The following NSF variants were observed in gnomAD, a reference collection of about 807,000 sequenced individuals.
NSF encodes the protein vesicle-fusing ATPase.
In NSF, 14 loss-of-function variants were observed where a neutral mutation model predicts 50.3. The ratio of observed to expected loss-of-function variants is 0.28; its 90% CI spans 0.18 to 0.44. The LOEUF (loss-of-function observed/expected upper bound fraction) is 0.44, where lower values mean the gene tolerates loss of function less well. Among genes scored for constraint, NSF ranks in the 20% least tolerant of loss-of-function variants. The pLI is 1.00. For missense variants in NSF, 218 were observed against 504.3 expected, an observed-to-expected ratio of 0.43 and a Z score of 5.44; for synonymous variants, 109 against 175.7, an observed-to-expected ratio of 0.62 and a Z score of 3.00.
chr17:46,721,919 A>C, intron 15 of NSF: 2 of 1,595,060 alleles, frequency 1.3e-6, no homozygotes, highest in South Asian at 2.2e-5. Flanking sequence ...CTTTTTCTCC[A>C]ATTCGCGTAC....
intron 17 of NSF, among the ~76,000 whole-genome samples, chr17:46,729,883 A>G (rs1315749583): frequency 6.6e-6 from 1 of 152,090 alleles, no homozygotes; most frequent in African/African-American, 2.4e-5. Flanking sequence ...TAAAATAATG[A>G]AAAGAAACAT....
chr17:46,703,783 G>A, intron 12 of NSF, among the ~76,000 whole-genome samples: 1 of 138,358 alleles, frequency 7.2e-6, no homozygotes, highest in African/African-American at 2.7e-5. Flanking sequence ...CATTCTTAAT[G>A]TTGTGCAACC....
At chr17:46,751,762 G>A (rs1038205376) in intron 19 of NSF, 146 bp downstream of exon 19, 1 of 528,684 alleles carries the variant, frequency 1.9e-6, no homozygotes, top group Non-Finnish European at 3.4e-6. Context: ...GGTATTAGTA[G>A]CCTGCTTCTG....
rs756640438 is a variant in NSF at position 46,726,601 on chromosome 17, T to C, written c.1814T>C (p.Ile605Thr). The change falls in exon 16 of 21, where the codon ATT becomes ACT. Residue 605 changes from isoleucine (I) to threonine (T), a missense_variant. Coordinates refer to ENST00000398238, the MANE Select transcript of NSF (RefSeq NM_006178.4). Reference protein sequence around the residue: ...SQLSCVVVDDIERLLDYVPIG... With the variant: ...SQLSCVVVDDTERLLDYVPIG... ...CTCAGTTGTGTGGTTGTGGATGACATTGAGAGATTGCTTGGTGAGTCCTAA... is the reference window on the plus strand; with the variant it reads ...CTCAGTTGTGTGGTTGTGGATGACACTGAGAGATTGCTTGGTGAGTCCTAA... 1.9e-6 allele frequency: 3 copies of C among 1,613,968 alleles called. No homozygotes were observed. The highest frequency in any genetic ancestry group is 2.5e-6 in the Non-Finnish European group (3 of 1,179,856).
At chr17:46,648,349 AT>A (rs1456260113) in intron 8 of NSF, among the ~76,000 whole-genome samples, 1 of 125,630 alleles carries the variant, frequency 8.0e-6, no homozygotes, top group Non-Finnish European at 1.5e-5. Context: ...ATAAATTGTA[AT>A]TTTTTTAACC....
At chr17:46,736,706 C>T (rs2059009025) in intron 17 of NSF, among the ~76,000 whole-genome samples, 1 of 152,204 alleles carries the variant, frequency 6.6e-6, no homozygotes. Context: ...TACTAATTTG[C>T]TGCTAACCAC....
chr17:46,710,979 A>G lies in NSF; in HGVS notation c.1487A>G (p.Gln496Arg). The change falls in exon 14 of 21, where the codon CAA (glutamine) becomes CGA (arginine). Residue 496 changes from glutamine (Q) to arginine (R), a missense_variant. By Grantham distance (43) the Gln-to-Arg change is conservative. Around this residue, in one of 2 missense-constraint regions of NSF, gnomAD observed 209 missense variants for 320.9 expected, o/e 0.65. Coordinates refer to ENST00000398238, the MANE Select transcript of NSF (RefSeq NM_006178.4). ...TCTTAATAGGCCTTTGGCACAAACC[A>G]AGAAGATTATGCAAGTTACATTATG... is the stretch of plus-strand genomic sequence containing the variant. Reference protein sequence around the residue: ...NDIKPAFGTNQEDYASYIMNG... With the variant: ...NDIKPAFGTNREDYASYIMNG... 1 of 1,593,360 alleles carries G rather than the reference A, an allele frequency of 6.3e-7. No homozygotes were observed. The highest frequency in any genetic ancestry group is 8.5e-7 in the Non-Finnish European group (1 of 1,174,386).
chr17:46,676,233 CTTTT>C (rs140135606), intron 9 of NSF, among the ~76,000 whole-genome samples: 3 of 135,640 alleles, frequency 2.2e-5, no homozygotes, highest in Admixed American at 1.5e-4. Context: ...AATTCTTCTT[CTTTT>C]TTTTTTTTTT....
At chr17:46,731,681 A>C (rs1314701011) in intron 17 of NSF, among the ~76,000 whole-genome samples, 1 of 152,196 alleles carries the variant, frequency 6.6e-6, no homozygotes, top group East Asian at 1.9e-4. Context: ...GAGGAAGAAT[A>C]TAGAAATATG....
At chr17:46,712,497 G>A (rs1383480653) in intron 14 of NSF, among the ~76,000 whole-genome samples, 1 of 152,136 alleles carries the variant, frequency 6.6e-6, no homozygotes, top group Non-Finnish European at 1.5e-5. Context: ...ACTAAGATTG[G>A]GAACACTAAT....
chr17:46,752,684 G>A (rs926483771), intron 19 of NSF, among the ~76,000 whole-genome samples: 4 of 152,132 alleles, frequency 2.6e-5, no homozygotes, highest in Admixed American at 6.5e-5. Context: ...TTGAACTCCC[G>A]AGCTCAAGTA....
intron 9 of NSF, among the ~76,000 whole-genome samples, chr17:46,682,601 T>TG (rs1342579485): frequency 1.7e-4 from 1 of 5,912 alleles, no homozygotes; most frequent in African/African-American, 2.0e-3. Context: ...TACGATGTTG[T>TG]GGGGGGCTTT....
At chr17:46,635,721 G>A (rs2146160671) in intron 4 of NSF, among the ~76,000 whole-genome samples, 1 of 113,126 alleles carries the variant, frequency 8.8e-6, no homozygotes, top group Admixed American at 9.0e-5. Context: ...GTATCCTTAA[G>A]GGGCCATTGG....
intron 17 of NSF, among the ~76,000 whole-genome samples, chr17:46,746,450 T>G (rs946245361): frequency 1.2e-4 from 18 of 152,216 alleles, no homozygotes; most frequent in Non-Finnish European, 2.6e-4. Flanking sequence ...GTATAATGTT[T>G]ACCAAACCCA....
chr17:46,731,512 T>C (rs972145375), intron 17 of NSF, among the ~76,000 whole-genome samples: 3 of 152,140 alleles, frequency 2.0e-5, no homozygotes, highest in Non-Finnish European at 2.9e-5. Flanking sequence ...TCTCAAGCGA[T>C]TACATTTTTT....
intron 13 of NSF, among the ~76,000 whole-genome samples, chr17:46,707,118 T>A (rs2058664526): frequency 6.6e-6 from 1 of 152,210 alleles, no homozygotes; most frequent in Admixed American, 6.5e-5. Flanking sequence ...TCCAAAGTAC[T>A]GGGATTACAG....
intron 15 of NSF, among the ~76,000 whole-genome samples, chr17:46,725,878 T>A (rs2058884380): frequency 6.6e-6 from 1 of 152,176 alleles, no homozygotes; most frequent in African/African-American, 2.4e-5. Flanking sequence ...AGGCCTTGAG[T>A]ACTTCTATTC....
chr17:46,718,737 A>G (rs1365793299), intron 15 of NSF, among the ~76,000 whole-genome samples: 1 of 152,224 alleles, frequency 6.6e-6, no homozygotes, highest in African/African-American at 2.4e-5. Flanking sequence ...TCAAATGAAG[A>G]TAATATTAAT....
chr17:46,635,365 A>AT (rs199493348), intron 4 of NSF, among the ~76,000 whole-genome samples: 11 of 85,322 alleles, frequency 1.3e-4, no homozygotes, highest in Admixed American at 3.6e-4. Flanking sequence ...AGTTAGCAGT[A>AT]TTTTTTTTTT....
Sources: allele counts gnomAD v4.1 joint callset (sites outside exome capture counted in the v4.1 genomes callset), GRCh38; gene constraint gnomAD v4.1.1; regional missense constraint gnomAD v4.1.1; transcripts MANE v1.5; gene names NCBI Gene and HGNC (gene_info 2026-07-23, HGNC 2026-07-21).